The following HS6ST3 variants were observed in gnomAD, a reference collection of about 807,000 sequenced individuals.
HS6ST3 encodes heparan sulfate 6-O-sulfotransferase 3, also known as heparan-sulfate 6-O-sulfotransferase 3.
Under a neutral mutation model 36.7 loss-of-function variants are expected in HS6ST3, and 12 were observed. The ratio of observed to expected loss-of-function variants is 0.33; its 90% confidence interval spans 0.21 to 0.53. The LOEUF (loss-of-function observed/expected upper bound fraction) is 0.53. Among genes scored for constraint, HS6ST3 ranks in the 20% least tolerant of loss-of-function variants. HS6ST3 has a pLI of 0.95. For synonymous variants in HS6ST3, 240 were observed against 257.5 expected, an observed-to-expected ratio of 0.93 and a Z score of 0.65; for missense variants, 584 against 640.9, an observed-to-expected ratio of 0.91 and a Z score of 0.96.
intron 1 of HS6ST3, among the ~76,000 whole-genome samples, chr13:96,411,937 T>C (rs1252007360): frequency 6.6e-6 from 1 of 152,108 alleles, no homozygotes; most frequent in Non-Finnish European, 1.5e-5. Context: ...AACAGGAAAT[T>C]AGAAGGAGAA....
chr13:96,559,899 G>A (rs950441989), intron 1 of HS6ST3, among the ~76,000 whole-genome samples: 2 of 152,112 alleles, frequency 1.3e-5, no homozygotes, highest in African/African-American at 4.8e-5. Context: ...TATTTTTAGT[G>A]GAGTGGTGAT....
intron 1 of HS6ST3, among the ~76,000 whole-genome samples, chr13:96,398,294 T>C (rs1594771393): frequency 1.3e-5 from 2 of 152,176 alleles, no homozygotes; most frequent in Non-Finnish European, 2.9e-5. Flanking sequence ...TTTATTTTTA[T>C]TTTTTTGAGA....
chr13:96,119,979 T>G (rs2053917706), intron 1 of HS6ST3, among the ~76,000 whole-genome samples: 1 of 152,092 alleles, frequency 6.6e-6, no homozygotes, highest in Non-Finnish European at 1.5e-5. Flanking sequence ...CCCTAGTACT[T>G]CAGAATGTGA....
At chr13:96,161,785 A>G (rs1384197522) in intron 1 of HS6ST3, among the ~76,000 whole-genome samples, 1 of 152,244 alleles carries the variant, frequency 6.6e-6, no homozygotes, top group Non-Finnish European at 1.5e-5. Flanking sequence ...ATAAGAGCAG[A>G]AGCGAAATTT....
At chr13:96,333,495 C>T (rs1290570967) in intron 1 of HS6ST3, among the ~76,000 whole-genome samples, 1 of 152,094 alleles carries the variant, frequency 6.6e-6, no homozygotes, top group Non-Finnish European at 1.5e-5. Flanking sequence ...AGTCTCTCTC[C>T]TCTCTTTTTG....
At chr13:96,291,721 A>G (rs1479297680) in intron 1 of HS6ST3, among the ~76,000 whole-genome samples, 1 of 152,166 alleles carries the variant, frequency 6.6e-6, no homozygotes, top group African/African-American at 2.4e-5. Context: ...TAATGACTTA[A>G]AACTGGAAAA....
intron 1 of HS6ST3, among the ~76,000 whole-genome samples, chr13:96,290,449 A>G (rs2054824131): frequency 6.6e-6 from 1 of 152,192 alleles, no homozygotes; most frequent in Admixed American, 6.5e-5. Context: ...TGACAAGGTG[A>G]GTGACCACCT....
intron 1 of HS6ST3, among the ~76,000 whole-genome samples, chr13:96,248,175 C>G (rs183303853): frequency 2.6e-4 from 40 of 152,282 alleles, no homozygotes; most frequent in Non-Finnish European, 1.3e-4. Flanking sequence ...ATCAAACTCT[C>G]GCCATAATTA....
At chr13:96,237,131 C>G (rs1303632298) in intron 1 of HS6ST3, among the ~76,000 whole-genome samples, 2 of 152,168 alleles carry the variant, frequency 1.3e-5, no homozygotes, top group Non-Finnish European at 2.9e-5. Context: ...ATTTACCTCT[C>G]ACTGGGTCCC....
At chr13:96,645,976 C>T (rs1392839253) in intron 1 of HS6ST3, among the ~76,000 whole-genome samples, 1 of 140,280 alleles carries the variant, frequency 7.1e-6, no homozygotes, top group African/African-American at 2.6e-5. Context: ...GATGCTATTA[C>T]AAAAAAAAAA....
intron 1 of HS6ST3, among the ~76,000 whole-genome samples, chr13:96,229,474 A>G (rs924730638): frequency 6.6e-5 from 10 of 152,192 alleles, no homozygotes; most frequent in Non-Finnish European, 1.0e-4. Flanking sequence ...TTCCTGGCTC[A>G]CAGATAGCTC....
intron 1 of HS6ST3, among the ~76,000 whole-genome samples, chr13:96,695,601 T>G (rs1477129014): frequency 8.6e-6 from 1 of 116,148 alleles, no homozygotes; most frequent in Non-Finnish European, 1.8e-5. Flanking sequence ...CTCAGCTGTT[T>G]TTTTTTTTTT....
intron 1 of HS6ST3, among the ~76,000 whole-genome samples, chr13:96,765,300 C>T (rs1261410572): frequency 6.6e-6 from 1 of 152,072 alleles, no homozygotes; most frequent in East Asian, 1.9e-4. Context: ...TCTCGATCTC[C>T]TGACCTCCTG....
chr13:96,204,063 AT>A (rs2054356749), intron 1 of HS6ST3, among the ~76,000 whole-genome samples: 1 of 152,204 alleles, frequency 6.6e-6, no homozygotes, highest in South Asian at 2.1e-4. Flanking sequence ...CTATTAAAAG[AT>A]TACTATTAAA....
intron 1 of HS6ST3, among the ~76,000 whole-genome samples, chr13:96,601,653 G>A (rs1594816009): frequency 6.6e-6 from 1 of 152,106 alleles, no homozygotes; most frequent in African/African-American, 2.4e-5. Context: ...TGGAGAGTTA[G>A]TATAATCTTT....
At chr13:96,648,064 C>T (rs1421674597) in intron 1 of HS6ST3, among the ~76,000 whole-genome samples, 1 of 151,990 alleles carries the variant, frequency 6.6e-6, no homozygotes. Flanking sequence ...TCTTTGCACA[C>T]TATGTATCCA....
At chr13:96,817,263 A>G (rs1301838014) in intron 1 of HS6ST3, among the ~76,000 whole-genome samples, 4 of 152,198 alleles carry the variant, frequency 2.6e-5, no homozygotes, top group Non-Finnish European at 4.4e-5. Context: ...AGTGCTTCAC[A>G]TTCAGTTTTA....
rs200104848 is a variant in HS6ST3, at chr13:96,312,556, TCTC to T, written c.707+220990_707+220992del. Among the ~76,000 whole-genome samples the T allele has an allele frequency of 8.5e-3, 1,294 of 152,278 alleles. 14 individuals carry two copies. Among genetic ancestry groups the T allele is most frequent in the African/African-American group, 0.03 (1,241 of 41,568 alleles). On this transcript the variant is annotated intron_variant, in intron 1 of 1. Coordinates refer to ENST00000376705, the MANE Select transcript of HS6ST3 (RefSeq NM_153456.4). ...GTTACTGAAAGAGCTCTGTTAAAAATCTCCTTAATAAAATTAATTTTTCAAGTT... is the reference window on the plus strand; with the variant it reads ...GTTACTGAAAGAGCTCTGTTAAAAATCTTAATAAAATTAATTTTTCAAGTT...
At chr13:96,241,012 A>G (rs1594728018) in intron 1 of HS6ST3, among the ~76,000 whole-genome samples, 1 of 152,236 alleles carries the variant, frequency 6.6e-6, no homozygotes, top group South Asian at 2.1e-4. Flanking sequence ...TGAAGGGCGG[A>G]CCTGCAGCTT....
Sources: allele counts gnomAD v4.1 joint callset (sites outside exome capture counted in the v4.1 genomes callset), GRCh38; gene constraint gnomAD v4.1.1; transcripts MANE v1.5; gene names NCBI Gene and HGNC (gene_info 2026-07-23, HGNC 2026-07-21).